Variants in PTPRR observed in about 807,000 individuals in gnomAD.
PTPRR encodes receptor-type tyrosine-protein phosphatase R.
Under a neutral mutation model 77.2 loss-of-function variants are expected in PTPRR, and 38 were observed. The ratio of observed to expected loss-of-function variants is 0.49; its 90% CI spans 0.38 to 0.65. The LOEUF (loss-of-function observed/expected upper bound fraction) is 0.65, where lower values mean the gene tolerates loss of function less well. Ranked by LOEUF, PTPRR falls within the 30% of genes least tolerant of loss-of-function variation. PTPRR has a pLI of 0.00. For missense variants in PTPRR, 744 were observed against 799.2 expected (o/e 0.93, Z 0.83); for synonymous variants, 299 against 283.1 (o/e 1.06, Z -0.57).
chr12:70,844,906 G>A (rs1892458455), intron 2 of PTPRR, among the ~76,000 whole-genome samples: 1 of 151,988 alleles, frequency 6.6e-6, no homozygotes, highest in African/African-American at 2.4e-5. Context: ...TTTGGTTGAG[G>A]GTAAGACCAA....
chr12:70,660,923 G>T lies in PTPRR; in HGVS notation c.1766+17C>A. 2 of 1,603,714 alleles carry T rather than the reference G, an allele frequency of 1.2e-6. No homozygotes were observed. The highest frequency in any genetic ancestry group is 2.2e-5 in the South Asian group (2 of 89,102). On this transcript the variant is annotated intron_variant, in intron 12 of 13. Transcript: ENST00000283228. ...AATGGGCCATTGCTTAGACAGAAAG[G>T]ACCATACACGTCTTACCTGCAGTGG...
chr12:70,908,736 G>A (rs1893660166), intron 1 of PTPRR, among the ~76,000 whole-genome samples: 1 of 152,178 alleles, frequency 6.6e-6, no homozygotes, highest in Non-Finnish European at 1.5e-5. Flanking sequence ...CCTTGCCTGT[G>A]TTTTGGGATT....
At chr12:70,701,014 T>C in intron 7 of PTPRR, 123 bp downstream of exon 7, 1 of 974,152 alleles carries the variant, frequency 1.0e-6, no homozygotes, top group East Asian at 2.5e-5. Flanking sequence ...TCTAAAACCA[T>C]TTCACTTTGC....
At chr12:70,898,124 C>T (rs573918209) in intron 1 of PTPRR, among the ~76,000 whole-genome samples, 2 of 151,058 alleles carry the variant, frequency 1.3e-5, no homozygotes, top group East Asian at 2.0e-4. Flanking sequence ...GCACGTTGTG[C>T]ACATGTATCC....
chr12:70,901,638 C>T (rs1216609919), intron 1 of PTPRR, among the ~76,000 whole-genome samples: 2 of 151,582 alleles, frequency 1.3e-5, no homozygotes, highest in South Asian at 2.1e-4. Flanking sequence ...AGATCTGAGA[C>T]CTAAAACTCT....
intron 8 of PTPRR, among the ~76,000 whole-genome samples, chr12:70,693,776 A>G (rs1206213721): frequency 6.6e-6 from 1 of 152,162 alleles, no homozygotes; most frequent in African/African-American, 2.4e-5. Flanking sequence ...GTTATAAATG[A>G]ATGAAAATGG....
intron 2 of PTPRR, among the ~76,000 whole-genome samples, chr12:70,853,399 G>A (rs1027515754): frequency 1.3e-5 from 2 of 152,142 alleles, no homozygotes; most frequent in Non-Finnish European, 2.9e-5. Flanking sequence ...ACTACATAAG[G>A]TCGCACAACT....
intron 13 of PTPRR, among the ~76,000 whole-genome samples, chr12:70,651,359 A>C (rs1257717401): frequency 6.6e-6 from 1 of 152,218 alleles, no homozygotes; most frequent in Non-Finnish European, 1.5e-5. Context: ...AGATTCAATA[A>C]ACTTTAGAAA....
chr12:70,686,828 A>G (rs1278882645), intron 8 of PTPRR, among the ~76,000 whole-genome samples: 1 of 152,174 alleles, frequency 6.6e-6, no homozygotes, highest in East Asian at 1.9e-4. Context: ...ACCTTGAGCC[A>G]GACACTCAAC....
At chr12:70,679,369 T>C (rs556255749) in intron 10 of PTPRR, among the ~76,000 whole-genome samples, 2 of 152,312 alleles carry the variant, frequency 1.3e-5, no homozygotes, top group Admixed American at 1.3e-4. Context: ...TCTGCAGTTG[T>C]TGGGTGAAAT....
chr12:70,874,240 A>C (rs543149436), intron 2 of PTPRR, among the ~76,000 whole-genome samples: 1 of 152,206 alleles, frequency 6.6e-6, no homozygotes, highest in African/African-American at 2.4e-5. Flanking sequence ...TGAACAAAAA[A>C]AGTCCCCTGA....
At chr12:70,639,422 G>T in intron 13 of PTPRR, 145 bp from the exon 14 acceptor site, 1 of 1,369,252 alleles carries the variant, frequency 7.3e-7, no homozygotes, top group Non-Finnish European at 9.6e-7. Context: ...CCTCTTACCT[G>T]TGTCCAAATG....
intron 2 of PTPRR, among the ~76,000 whole-genome samples, chr12:70,785,028 A>ATG (rs546594025): frequency 1.4e-3 from 208 of 152,304 alleles, no homozygotes; most frequent in African/African-American, 4.7e-3. Context: ...GAATATATAT[A>ATG]TTCGAGGTTG....
intron 6 of PTPRR, among the ~76,000 whole-genome samples, chr12:70,707,398 C>A (rs903800625): frequency 5.5e-4 from 84 of 151,728 alleles, no homozygotes; most frequent in African/African-American, 2.0e-3. Flanking sequence ...AGGCACAGAA[C>A]CATTGCATAT....
At chr12:70,695,348 C>A (rs1888195314) in intron 8 of PTPRR, among the ~76,000 whole-genome samples, 1 of 152,174 alleles carries the variant, frequency 6.6e-6, no homozygotes, top group Admixed American at 6.5e-5. Context: ...TTTGTGTATT[C>A]ATTCCAGGCT....
intron 6 of PTPRR, among the ~76,000 whole-genome samples, chr12:70,738,461 G>A (rs1889945492): frequency 6.6e-6 from 1 of 152,198 alleles, no homozygotes; most frequent in Admixed American, 6.5e-5. Context: ...TTCCTGGACA[G>A]TTTTCTACCT....
chr12:70,913,456 TAA>T (rs1893729497), intron 1 of PTPRR, among the ~76,000 whole-genome samples: 1 of 152,148 alleles, frequency 6.6e-6, no homozygotes, highest in Non-Finnish European at 1.5e-5. Flanking sequence ...AACCAATCAG[TAA>T]TCAGGGTTAG....
intron 2 of PTPRR, among the ~76,000 whole-genome samples, chr12:70,787,840 G>A (rs1891354227): frequency 6.6e-6 from 1 of 152,142 alleles, no homozygotes; most frequent in African/African-American, 2.4e-5. Flanking sequence ...TATTAAGATG[G>A]ATGTAAACAC....
intron 2 of PTPRR, among the ~76,000 whole-genome samples, chr12:70,768,743 T>C (rs1169163018): frequency 6.6e-6 from 1 of 152,084 alleles, no homozygotes; most frequent in Non-Finnish European, 1.5e-5. Flanking sequence ...TGATGAACAT[T>C]GATGCAAAAA....
Sources: gnomAD v4.1 joint callset for allele counts (sites outside exome capture counted in the v4.1 genomes callset) on GRCh38, gnomAD v4.1.1 for gene constraint, MANE v1.5 for transcripts, NCBI Gene and HGNC (gene_info 2026-07-23, HGNC 2026-07-21) for gene names.